Variants in NEGR1 observed in about 807,000 individuals in gnomAD.
The protein encoded by NEGR1 is IgLON family member 4.
Under a neutral mutation model 40.9 loss-of-function variants are expected in NEGR1, and 10 were observed. The ratio of observed to expected loss-of-function variants is 0.24; its 90% CI spans 0.15 to 0.42. NEGR1 has a LOEUF of 0.42. Among genes scored for constraint, NEGR1 ranks in the 10% least tolerant of loss-of-function variants. NEGR1 has a pLI of 1.00. For synonymous variants in NEGR1, 185 were observed against 166.8 expected (o/e 1.11, Z -0.84); for missense variants, 352 against 438.9 (o/e 0.80, Z 1.77).
At chr1:71,871,197 T>C (rs987699255) in intron 2 of NEGR1, among the ~76,000 whole-genome samples, 1 of 152,158 alleles carries the variant, frequency 6.6e-6, no homozygotes, top group African/African-American at 2.4e-5. Flanking sequence ...AAAGAAACAC[T>C]TATGTAGGCT....
intron 4 of NEGR1, among the ~76,000 whole-genome samples, chr1:71,684,814 T>C (rs1291412474): frequency 6.6e-6 from 1 of 152,226 alleles, no homozygotes; most frequent in East Asian, 1.9e-4. Flanking sequence ...CAATTTGTCA[T>C]ATTCCTGCTT....
chr1:71,647,194 C>A (rs993964324), intron 4 of NEGR1, among the ~76,000 whole-genome samples: 1 of 151,796 alleles, frequency 6.6e-6, no homozygotes, highest in Admixed American at 6.6e-5. Context: ...CTGAGCCTAA[C>A]CCACAGGAAA....
At chr1:72,271,501 T>C (rs995784420) in intron 1 of NEGR1, among the ~76,000 whole-genome samples, 12 of 151,876 alleles carry the variant, frequency 7.9e-5, no homozygotes, top group African/African-American at 2.9e-4. Flanking sequence ...ATAATATCCT[T>C]CTGTGAACTT....
chr1:71,820,089 A>AT (rs1293136627), intron 2 of NEGR1, among the ~76,000 whole-genome samples: 4 of 151,992 alleles, frequency 2.6e-5, no homozygotes, highest in African/African-American at 7.2e-5. Flanking sequence ...TTGTACTTTT[A>AT]TTTTTTGGTA....
intron 5 of NEGR1, among the ~76,000 whole-genome samples, chr1:71,602,503 G>A (rs1422015711): frequency 6.6e-6 from 1 of 151,588 alleles, no homozygotes; most frequent in African/African-American, 2.4e-5. Context: ...CGCCCGCCTC[G>A]GCCTCCCAAA....
intron 6 of NEGR1, among the ~76,000 whole-genome samples, chr1:71,521,988 C>G (rs1647160462): frequency 6.6e-6 from 1 of 151,818 alleles, no homozygotes; most frequent in Non-Finnish European, 1.5e-5. Context: ...TCTGCTCTGT[C>G]AAATTCAGAA....
chr1:71,697,624 C>G (rs969379911), intron 4 of NEGR1, among the ~76,000 whole-genome samples: 2 of 151,806 alleles, frequency 1.3e-5, no homozygotes, highest in Admixed American at 6.6e-5. Flanking sequence ...GAGTATACTT[C>G]ATTTTCATCA....
chr1:72,095,514 G>T (rs982223259), intron 1 of NEGR1, among the ~76,000 whole-genome samples: 1 of 151,918 alleles, frequency 6.6e-6, no homozygotes, highest in Non-Finnish European at 1.5e-5. Flanking sequence ...TGAATCCCCT[G>T]TCCTCTACTC....
chr1:71,448,673 C>T (rs891229286), intron 6 of NEGR1, among the ~76,000 whole-genome samples: 2 of 151,986 alleles, frequency 1.3e-5, no homozygotes, highest in South Asian at 2.1e-4. Flanking sequence ...GCTCTGAGAA[C>T]GAGCAGTAGG....
rs34916819 is a variant in NEGR1 at position 71,850,090 on chromosome 1, T to TTGTG, written c.410-73797_410-73794dup. Among the ~76,000 whole-genome samples the TTGTG allele has an allele frequency of 2.4e-3, 364 of 150,548 alleles. 1 individual carries two copies. The highest frequency in any genetic ancestry group is 0.012 in the South Asian group (55 of 4,764). On this transcript the variant is annotated intron_variant, in intron 2 of 6. Transcript: ENST00000357731. ...TGACATATCCATTACTTACATACCA[T>TTGTG]TGTGTGTGTGTGTGTGTGTTAAGAA...
chr1:72,020,122 CA>C (rs1646743683), intron 1 of NEGR1, among the ~76,000 whole-genome samples: 1 of 152,168 alleles, frequency 6.6e-6, no homozygotes, highest in South Asian at 2.1e-4. Flanking sequence ...AATGAAGCAT[CA>C]TCGATTTTGA....
chr1:71,698,186 C>A, intron 3 of NEGR1, 47 bp from the exon 4 acceptor site: 1 of 1,564,680 alleles, frequency 6.4e-7, no homozygotes, highest in African/African-American at 1.4e-5. Context: ...CCTGAGGCTT[C>A]ATTCAAGTAA....
intron 4 of NEGR1, among the ~76,000 whole-genome samples, chr1:71,630,224 A>T (rs554033979): frequency 6.2e-4 from 94 of 151,930 alleles, no homozygotes; most frequent in Non-Finnish European, 1.1e-3. Flanking sequence ...TTTAATGTAA[A>T]CTGCAGGATA....
intron 6 of NEGR1, among the ~76,000 whole-genome samples, chr1:71,552,804 T>C (rs766027806): frequency 1.1e-4 from 17 of 151,456 alleles, no homozygotes; most frequent in Non-Finnish European, 1.5e-5. Context: ...TGTTTTTTCT[T>C]GGACTATGTA....
intron 3 of NEGR1, among the ~76,000 whole-genome samples, chr1:71,764,652 A>C (rs1439927102): frequency 6.6e-6 from 1 of 152,206 alleles, no homozygotes; most frequent in African/African-American, 2.4e-5. Context: ...GAGAGCATTG[A>C]AGATGAGGAG....
At chr1:71,808,416 T>C (rs902676352) in intron 2 of NEGR1, among the ~76,000 whole-genome samples, 2 of 152,176 alleles carry the variant, frequency 1.3e-5, no homozygotes, top group Non-Finnish European at 2.9e-5. Context: ...GATTTAAATA[T>C]ATTATTTATT....
At chr1:72,274,827 T>C in intron 1 of NEGR1, 2 of 1,526,986 alleles carry the variant, frequency 1.3e-6, no homozygotes, top group Non-Finnish European at 1.8e-6. Flanking sequence ...TGATCAGAGT[T>C]ATTTGCATCC....
At chr1:72,208,777 T>A (rs1653497331) in intron 1 of NEGR1, among the ~76,000 whole-genome samples, 1 of 151,694 alleles carries the variant, frequency 6.6e-6, no homozygotes, top group Non-Finnish European at 1.5e-5. Flanking sequence ...TTAGGCTACT[T>A]TGTTTAAACA....
chr1:71,979,407 G>A (rs1450139041), intron 1 of NEGR1, among the ~76,000 whole-genome samples: 4 of 151,986 alleles, frequency 2.6e-5, no homozygotes, highest in South Asian at 2.1e-4. Context: ...AGAAACTTTC[G>A]ACAACTTATA....
Sources: gnomAD v4.1 joint callset for allele counts (sites outside exome capture counted in the v4.1 genomes callset) on GRCh38, gnomAD v4.1.1 for gene constraint, MANE v1.5 for transcripts, NCBI Gene and HGNC (gene_info 2026-07-23, HGNC 2026-07-21) for gene names.